The following UNC79 variants were observed in gnomAD, a reference collection of about 807,000 sequenced individuals.
UNC79 encodes unc-79 subunit of NALCN channel complex, also known as protein unc-79 homolog.
Under a neutral mutation model 283.1 loss-of-function variants are expected in UNC79, and 37 were observed. The observed-to-expected ratio is 0.13, with a 90% CI of 0.10 to 0.17. The LOEUF (loss-of-function observed/expected upper bound fraction) is 0.17. Ranked by LOEUF, UNC79 falls within the 10% of genes least tolerant of loss-of-function variation. The pLI, the probability that UNC79 is intolerant of heterozygous loss-of-function variation, is 1.00. For synonymous variants in UNC79, 1,107 were observed against 1,200.2 expected, an observed-to-expected ratio of 0.92 and a Z score of 1.61; for missense variants, 2,272 against 3,211.1, an observed-to-expected ratio of 0.71 and a Z score of 7.07.
At chr14:93,618,086 T>C in intron 28 of UNC79, 106 bp from the exon 30 acceptor site, 4 of 1,208,220 alleles carry the variant, frequency 3.3e-6, no homozygotes, top group Non-Finnish European at 4.6e-6. Flanking sequence ...CTCATATATA[T>C]ATTTATCCCC....
intron 1 of UNC79, among the ~76,000 whole-genome samples, chr14:93,390,115 G>C (rs2140005553): frequency 1.3e-5 from 2 of 152,332 alleles, no homozygotes; most frequent in African/African-American, 4.8e-5. Flanking sequence ...GATAATGTGT[G>C]AGAATTAAGT....
chr14:93,510,001 G>A lies in UNC79; in HGVS notation c.898+12715G>A, dbSNP rs138969200. On this transcript the variant is annotated intron_variant, in intron 7 of 48. Coordinates refer to ENST00000555664, the Ensembl canonical transcript of UNC79. ...ATACATCCTCTGAAATCTAGGCACC[G>A]GCTCCCAAGCCTCAACTCTTGCCCT... Among the ~76,000 whole-genome samples, 1,213 of 152,298 alleles carry A rather than the reference G, an allele frequency of 8.0e-3. 23 individuals are homozygous for A. Among genetic ancestry groups the A allele is most frequent in the African/African-American group, 0.027 (1,110 of 41,562 alleles).
intron 22 of UNC79, among the ~76,000 whole-genome samples, chr14:93,592,242 T>A (rs2064744827): frequency 6.8e-6 from 1 of 147,988 alleles, no homozygotes; most frequent in South Asian, 2.2e-4. Context: ...TGGCTCAATC[T>A]CGGTTCACTG....
chr14:93,491,564 A>G (rs1037755005), intron 5 of UNC79, among the ~76,000 whole-genome samples: 1 of 152,048 alleles, frequency 6.6e-6, no homozygotes, highest in Non-Finnish European at 1.5e-5. Context: ...CAAGTTTTTT[A>G]CCCCCTGAAA....
chr14:93,485,235 CGT>C (rs35445070), intron 4 of UNC79, among the ~76,000 whole-genome samples: 45,301 of 144,822 alleles, frequency 0.31, 7,221 homozygotes, highest in East Asian at 0.65. Flanking sequence ...TATATATATA[CGT>C]GTGTGTGTGT....
At chr14:93,627,514 G>A (rs751563938) in intron 30 of UNC79, among the ~76,000 whole-genome samples, 8 of 152,136 alleles carry the variant, frequency 5.3e-5, no homozygotes, top group African/African-American at 1.7e-4. Context: ...TGCTGACCTC[G>A]ACCTGGACCT....
chr14:93,350,308 A>C (rs2053957880), intron 1 of UNC79, among the ~76,000 whole-genome samples: 1 of 152,138 alleles, frequency 6.6e-6, no homozygotes, highest in Admixed American at 6.5e-5. Flanking sequence ...ATAGGAAGTA[A>C]AAGAGATGTG....
At chr14:93,646,688 C>T in intron 35 of UNC79, 42 bp downstream of exon 38, 1 of 1,606,088 alleles carries the variant, frequency 6.2e-7, no homozygotes, top group East Asian at 2.2e-5. Context: ...TTCTTTTCTC[C>T]TCTGTGCATG....
Position 93,613,289 on chromosome 14 carries a change from A to T in UNC79, c.4041+206A>T, listed in dbSNP as rs115397647. On this transcript the variant is annotated intron_variant, in intron 27 of 48. Coordinates refer to ENST00000555664, the Ensembl canonical transcript of UNC79. ...TAGTGAGACAGAAAATGACAGAGAG[A>T]GAGACTGCATGCGTGTGTGTGTGTG... 6.3e-3 allele frequency among the ~76,000 whole-genome samples: 950 copies of T among 151,764 alleles called. 7 individuals are homozygous for T. The highest frequency in any genetic ancestry group is 0.022 in the African/African-American group (908 of 41,296).
At position 93,505,000 on chromosome 14, in the gene UNC79, T is replaced by C. The variant is rs529776852; in HGVS notation, c.898+7714T>C. ...TTTATCCTTCTGTGGTCAGATAACA[T>C]ACTTTGTATTATTTCATTCCATTGC... is the stretch of plus-strand genomic sequence containing the variant. On this transcript the variant is annotated intron_variant, in intron 7 of 48. Transcript: ENST00000555664. 3.3e-5 allele frequency among the ~76,000 whole-genome samples: 5 copies of C among 152,180 alleles called. No homozygotes were observed. The East Asian group carries it at 7.7e-4, about 23-fold the overall frequency.
At chr14:93,385,773 TC>T (rs111459551) in intron 1 of UNC79, among the ~76,000 whole-genome samples, 4,280 of 138,170 alleles carry the variant, frequency 0.031, 107 homozygotes, top group Middle Eastern at 0.071. Context: ...AGCAAGACTG[TC>T]CCCAAAAAAA....
At chr14:93,365,861 T>C (rs2054319034) in intron 1 of UNC79, among the ~76,000 whole-genome samples, 1 of 152,084 alleles carries the variant, frequency 6.6e-6, no homozygotes, top group African/African-American at 2.4e-5. Context: ...TTCCCAGAGC[T>C]GGAAATGATA....
chr14:93,426,268 G>T (rs1000399761), upstream of UNC79, among the ~76,000 whole-genome samples: 2 of 151,762 alleles, frequency 1.3e-5, no homozygotes, highest in African/African-American at 2.4e-5. Flanking sequence ...GTTTTCCCTT[G>T]TCTTTGTTTT....
chr14:93,685,945 G>A (rs1595070199), intron 42 of UNC79, among the ~76,000 whole-genome samples: 1 of 152,162 alleles, frequency 6.6e-6, no homozygotes, highest in Non-Finnish European at 1.5e-5. Flanking sequence ...TGACCATTTC[G>A]TTTCTTTCTT....
At chr14:93,456,149 T>C (rs1357138533) in intron 1 of UNC79, among the ~76,000 whole-genome samples, 1 of 152,106 alleles carries the variant, frequency 6.6e-6, no homozygotes, top group Non-Finnish European at 1.5e-5. Context: ...TAGGAGCCTG[T>C]TGAGTGCAGG....
chr14:93,678,403 A>G (rs1444743911), intron 41 of UNC79, among the ~76,000 whole-genome samples: 1 of 152,230 alleles, frequency 6.6e-6, no homozygotes, highest in Admixed American at 6.5e-5. Flanking sequence ...TTCACCCCAT[A>G]GGGAACTGCT....
chr14:93,426,741 A>G (rs2055739685), upstream of UNC79, among the ~76,000 whole-genome samples: 1 of 151,130 alleles, frequency 6.6e-6, no homozygotes, highest in Non-Finnish European at 1.5e-5. Flanking sequence ...CAATTTCTCT[A>G]CTGACATCTT....
intron 26 of UNC79, among the ~76,000 whole-genome samples, chr14:93,608,807 C>A (rs372317783): frequency 6.6e-5 from 10 of 152,272 alleles, no homozygotes; most frequent in African/African-American, 2.4e-4. Context: ...TTCTCTTATA[C>A]AGAATGTAAG....
chr14:93,574,204 C>G (rs1416263276), intron 16 of UNC79, among the ~76,000 whole-genome samples: 4 of 152,306 alleles, frequency 2.6e-5, no homozygotes, highest in Admixed American at 1.3e-4. Context: ...TTTGTCCCCC[C>G]CTATAGCTAC....
Sources: gnomAD v4.1 joint callset for allele counts (sites outside exome capture counted in the v4.1 genomes callset) on GRCh38, gnomAD v4.1.1 for gene constraint, MANE v1.5 for transcripts, NCBI Gene and HGNC (gene_info 2026-07-23, HGNC 2026-07-21) for gene names.